PRR36: variants seen among roughly 807,000 people sequenced by gnomAD.
PRR36 encodes the protein proline rich 36.
A neutral mutation model predicts 58.6 loss-of-function variants in PRR36; 30 were observed. The ratio of observed to expected loss-of-function variants is 0.51; its 90% CI spans 0.38 to 0.69. PRR36 has a LOEUF of 0.69. Among genes scored for constraint, PRR36 ranks in the 30% least tolerant of loss-of-function variants. The probability of loss-of-function intolerance (pLI) is 0.00; values close to 1 mark genes in which losing one functional copy is unlikely to be tolerated. For synonymous variants in PRR36, 771 were observed against 829.3 expected, an observed-to-expected ratio of 0.93 and a Z score of 1.21; for missense variants, 1,692 against 1,805.6, an observed-to-expected ratio of 0.94 and a Z score of 1.14.
chr19:7,873,717 G>T lies in PRR36; in HGVS notation c.-7-21C>A, dbSNP rs1300851935. 7.8e-6 allele frequency: 12 copies of T among 1,529,544 alleles called. No individual in the cohort carries two copies. The highest frequency in any genetic ancestry group is 1.0e-5 in the Non-Finnish European group (12 of 1,143,480). The allele number at this position is 1,529,544 out of a possible 1,614,324, so 94.7% of individuals were successfully genotyped here. A position where few individuals can be genotyped will look rare whatever the true frequency, so the allele number is the denominator to read the frequency against. On this transcript the variant is annotated intron_variant, in intron 1 of 5. Coordinates refer to ENST00000618550, the MANE Select transcript of PRR36 (RefSeq NM_001190467.2). The surrounding 1 kb of genome is among the most constrained non-coding windows in gnomAD (Gnocchi z 5.0). Reference sequence around the variant, plus strand: ...TGCACCTGAAGAGACAAACCGGTCCGCATCCCAGGTTCTGGACAGCTACGC... The same window carrying T: ...TGCACCTGAAGAGACAAACCGGTCCTCATCCCAGGTTCTGGACAGCTACGC...
Position 7,870,750 on chromosome 19 carries a change from G to C in PRR36, c.2494C>G (p.Pro832Ala), listed in dbSNP as rs1314300527. ...GGGGGCGTGGCCAAAGGAGACAGAGGGGGAGAGGGCAGGCCCTGCAAAGGG... is the reference window on the plus strand; with the variant it reads ...GGGGGCGTGGCCAAAGGAGACAGAGCGGGAGAGGGCAGGCCCTGCAAAGGG... ...SPPLQGLPSP[P>A]LSPLATPPPQ... Residue 832 changes from proline to alanine, a missense_variant, in exon 5 of 6, where the codon CCT becomes GCT. Transcript: ENST00000618550. 6 of 1,400,500 alleles carry C rather than the reference G, an allele frequency of 4.3e-6. No homozygotes were observed. The highest frequency in any genetic ancestry group is 1.9e-4 in the Middle Eastern group (1 of 5,378). 86.8% of individuals were successfully genotyped at this position (1,400,500 alleles called of 1,614,324 possible). A position where few individuals can be genotyped will look rare whatever the true frequency, so the allele number is the denominator to read the frequency against.
At position 7,872,956 on chromosome 19, in the gene PRR36, C is replaced by A; in HGVS notation, c.380G>T (p.Gly127Val). Residue 127 changes from glycine (G) to valine (V), a missense_variant, in exon 4 of 6, where the codon GGC becomes GTC. By Grantham distance (109) the Gly-to-Val change is moderately radical. This residue lies in a region of PRR36 where 975 missense variants were observed against 955.2 expected (regional missense o/e 1.02). Transcript: ENST00000618550. This position sits in a 1 kb window ranked among gnomAD's most constrained non-coding sequence, Gnocchi z 6.1. Reference protein sequence around the residue: ...PGRASGTTRPGPLGQKGLRIS... With the variant: ...PGRASGTTRPVPLGQKGLRIS... ...CCGGAGTCCCTTCTGGCCAAGAGGG[C>A]CTGGCCTGGAGACAGAAGGGGCCAC... 1 of 1,535,754 alleles carries A rather than the reference C, an allele frequency of 6.5e-7. No homozygotes were observed. The highest frequency in any genetic ancestry group is 8.7e-7 in the Non-Finnish European group (1 of 1,146,640).
chr19:7,869,441 G>A lies in PRR36; in HGVS notation c.3633C>T (p.Gly1211=), dbSNP rs1302013501. 9 of 1,501,146 alleles carry A rather than the reference G, an allele frequency of 6.0e-6. No homozygotes were observed. Among genetic ancestry groups the A allele is most frequent in the Non-Finnish European group, 7.9e-6 (9 of 1,132,426 alleles). 93.0% of individuals were successfully genotyped at this position (1,501,146 alleles called of 1,614,324 possible). A position where few individuals can be genotyped will look rare whatever the true frequency, so the allele number is the denominator to read the frequency against. ...CGGGACTGGGCCCCGGATCCAGTGC[G>A]CCAGGGGCGGGGGTCGCCGACTCGG... ...EGPESATPAP[G]ALDPGPSPGT... Residue 1211 remains glycine (G), a synonymous_variant, in exon 6 of 6, where the codon GGC becomes GGT. Coordinates refer to ENST00000618550, the MANE Select transcript of PRR36 (RefSeq NM_001190467.2).
rs1475016334 is a variant in PRR36, at chr19:7,870,983, GT to G, written c.2260del (p.Thr754HisfsTer10). The G allele has an allele frequency of 1.0e-5, 11 of 1,068,110 alleles. No homozygotes were observed. In the East Asian group the frequency reaches 2.9e-4, roughly 28 times the overall value. 66.2% of individuals were successfully genotyped at this position (1,068,110 alleles called of 1,614,324 possible). A position where few individuals can be genotyped will look rare whatever the true frequency, so the allele number is the denominator to read the frequency against. On this transcript the variant is annotated frameshift_variant, in exon 5 of 6. Transcript: ENST00000618550. LOFTEE classifies it high-confidence loss of function. ...AGAAGGTAGGTTCTCCAGAGGGGGT[GT>G]GGTCAGGGGAGCAGAAGCTGTCTGC... ...PLQTASAPLT[T>X]PPLENLPSLA... is the part of the protein sequence containing the mutation.
In PRR36 at chr19:7,871,985, A is replaced by T. The variant is rs754259725; in HGVS notation, c.1259T>A (p.Val420Glu). The change falls in exon 5 of 6, where the codon GTG becomes GAG. Residue 420 changes from valine to glutamate, a missense_variant. Around this residue, in one of 5 missense-constraint regions of PRR36, gnomAD observed 975 missense variants for 955.2 expected, o/e 1.02. Transcript: ENST00000618550. ...GVSSLATAAFVASVSPSVSSP... is the reference protein window; with the variant it reads ...GVSSLATAAFEASVSPSVSSP... ...TGAAACTGATGGAGAGACTGAAGCC[A>T]CAAAAGCGGCTGTGGCCAGGGAAGA... The T allele has an allele frequency of 5.9e-6, 9 of 1,535,674 alleles. No homozygotes were observed. The Admixed American group carries it at 1.6e-4, about 27-fold the overall frequency.
chr19:7,868,897 A>G lies in PRR36; in HGVS notation c.*136T>C, dbSNP rs1193018663. 11 of 1,061,966 alleles carry G rather than the reference A, an allele frequency of 1.0e-5. No individual in the cohort carries two copies. The East Asian group carries it at 2.7e-4, about 26-fold the overall frequency. 65.8% of individuals were successfully genotyped at this position (1,061,966 alleles called of 1,614,324 possible). ...CCCGAGCCTCCGAGGCCAAAGGCTC[A>G]GGCTCTAGGGAGCTAAGACTAATCC... On this transcript the variant is annotated 3_prime_UTR_variant, in exon 6 of 6. Transcript: ENST00000618550.
Position 7,870,745 on chromosome 19 carries a change from CAGAG to C in PRR36, c.2495_2498del (p.Pro832ArgfsTer89). ...GTGGAGGGGGCGTGGCCAAAGGAGA[CAGAG>C]GGGGAGAGGGCAGGCCCTGCAAAGG... On this transcript the variant is annotated frameshift_variant, in exon 5 of 6. Transcript: ENST00000618550. LOFTEE classifies it high-confidence loss of function. 1 of 1,195,120 alleles carries C rather than the reference CAGAG, an allele frequency of 8.4e-7. No individual in the cohort carries two copies. The highest frequency in any genetic ancestry group is 3.3e-5 in the East Asian group (1 of 30,622). 74.0% of individuals were successfully genotyped at this position (1,195,120 alleles called of 1,614,324 possible). A position where few individuals can be genotyped will look rare whatever the true frequency, so the allele number is the denominator to read the frequency against.
chr19:7,873,732 G>A lies in PRR36; in HGVS notation c.-7-36C>T. 4.6e-6 allele frequency: 7 copies of A among 1,519,802 alleles called. No homozygotes were observed. The highest frequency in any genetic ancestry group is 6.2e-6 in the Non-Finnish European group (7 of 1,137,754). The allele number at this position is 1,519,802 out of a possible 1,614,324, so 94.1% of individuals were successfully genotyped here. A position where few individuals can be genotyped will look rare whatever the true frequency, so the allele number is the denominator to read the frequency against. Reference sequence around the variant, plus strand: ...AAACCGGTCCGCATCCCAGGTTCTGGACAGCTACGCCGCCTCCAGAGACCT... The same window carrying A: ...AAACCGGTCCGCATCCCAGGTTCTGAACAGCTACGCCGCCTCCAGAGACCT... On this transcript the variant is annotated intron_variant, in intron 1 of 5. Transcript: ENST00000618550. This position sits in a 1 kb window ranked among gnomAD's most constrained non-coding sequence, Gnocchi z 5.0.
rs1374944995 is a variant in PRR36, at chr19:7,872,435, G to A, written c.809C>T (p.Ser270Leu). 1 of 1,453,300 alleles carries A rather than the reference G, an allele frequency of 6.9e-7. No individual in the cohort carries two copies. The highest frequency in any genetic ancestry group is 2.7e-5 in the Admixed American group (1 of 37,190). The allele number at this position is 1,453,300 out of a possible 1,614,324, so 90.0% of individuals were successfully genotyped here. A position where few individuals can be genotyped will look rare whatever the true frequency, so the allele number is the denominator to read the frequency against. Residue 270 changes from serine to leucine, a missense_variant, in exon 5 of 6, where the codon TCG becomes TTG. By Grantham distance (145) the Ser-to-Leu change is moderately radical. Coordinates refer to ENST00000618550, the MANE Select transcript of PRR36 (RefSeq NM_001190467.2). This position sits in a 1 kb window ranked among gnomAD's most constrained non-coding sequence, Gnocchi z 6.1. ...CTGCAGTCCTTTCGGCTTGGGCTGCGAGGGATGCGCAGGAGCCCTGGGTGT... is the reference window on the plus strand; with the variant it reads ...CTGCAGTCCTTTCGGCTTGGGCTGCAAGGGATGCGCAGGAGCCCTGGGTGT... ...RGTPRAPAHP[S>L]QPKPKGLQAL...
In PRR36 at chr19:7,873,053, TCTGA is replaced by T; in HGVS notation, c.375-96_375-93del. ...ATCTGTGAAATGGGCATGTGCCCTC[TCTGA>T]GGACCAATAATGGCTTTCACCCAAT... On this transcript the variant is annotated intron_variant, in intron 3 of 5. Transcript: ENST00000618550. The surrounding 1 kb of genome is among the most constrained non-coding windows in gnomAD (Gnocchi z 5.0). 1 of 1,339,378 alleles carries T rather than the reference TCTGA, an allele frequency of 7.5e-7. No individual in the cohort carries two copies. The highest frequency in any genetic ancestry group is 1.0e-6 in the Non-Finnish European group (1 of 974,140). 83.0% of individuals were successfully genotyped at this position (1,339,378 alleles called of 1,614,324 possible). A position where few individuals can be genotyped will look rare whatever the true frequency, so the allele number is the denominator to read the frequency against.
At position 7,873,354 on chromosome 19, in the gene PRR36, G is replaced by A. The variant is rs2145072977; in HGVS notation, c.272-55C>T. The stretch of plus-strand genomic sequence containing the variant: ...CCCGGAGAGGTGGCAGTGGAGGTGA[G>A]ACTGGACAGGTATTGGAAGGGGGAG... On this transcript the variant is annotated intron_variant, in intron 2 of 5. Transcript: ENST00000618550. This position sits in a 1 kb window ranked among gnomAD's most constrained non-coding sequence, Gnocchi z 5.0. The A allele has an allele frequency of 6.6e-7, 1 of 1,519,634 alleles. No individual in the cohort carries two copies. The allele number at this position is 1,519,634 out of a possible 1,614,324, so 94.1% of individuals were successfully genotyped here.
chr19:7,870,851 A>G lies in PRR36; in HGVS notation c.2393T>C (p.Leu798Ser). 6.9e-7 allele frequency: 1 copy of G among 1,447,480 alleles called. No individual in the cohort carries two copies. The highest frequency in any genetic ancestry group is 9.0e-7 in the Non-Finnish European group (1 of 1,107,556). 89.7% of individuals were successfully genotyped at this position (1,447,480 alleles called of 1,614,324 possible). A position where few individuals can be genotyped will look rare whatever the true frequency, so the allele number is the denominator to read the frequency against. The change falls in exon 5 of 6, where the codon TTG (leucine) becomes TCG (serine). Residue 798 changes from leucine to serine, a missense_variant. Around this residue, in one of 5 missense-constraint regions of PRR36, gnomAD observed 171 missense variants for 146.2 expected, o/e 1.17. Transcript: ENST00000618550. ...GGGCGTCTCCGGAGGGGGCGTGGTC[A>G]ATGGCGAAGGTGGTGCTTGCAGAGG... ...PCPLQAPPSP[L>S]TTPPPETPSS...
rs1009104442 is a variant in PRR36, at chr19:7,869,193, C to T, written c.3881G>A (p.Arg1294Gln). The T allele has an allele frequency of 1.0e-5, 16 of 1,532,732 alleles. No homozygotes were observed. The highest frequency in any genetic ancestry group is 1.4e-5 in the African/African-American group (1 of 72,540). The allele number at this position is 1,532,732 out of a possible 1,614,324, so 94.9% of individuals were successfully genotyped here. Residue 1294 changes from arginine to glutamine, a missense_variant, in exon 6 of 6, where the codon CGG (arginine) becomes CAG (glutamine). Physicochemically the swap from Arg to Gln is conservative, Grantham distance 43. Coordinates refer to ENST00000618550, the MANE Select transcript of PRR36 (RefSeq NM_001190467.2). Reference sequence around the variant, plus strand: ...GAGTTCGGCGTCGCTGAGTGCAGCCCGGGCGCCCCCTGTGACGCCACCACC... The same window carrying T: ...GAGTTCGGCGTCGCTGAGTGCAGCCTGGGCGCCCCCTGTGACGCCACCACC... ...AEGGGVTGGA[R>Q]AALSDAELGR...
At position 7,872,909 on chromosome 19, in the gene PRR36, C is replaced by A. The variant is rs1412336631; in HGVS notation, c.427G>T (p.Ala143Ser). 5.3e-5 allele frequency: 81 copies of A among 1,535,974 alleles called. No individual in the cohort carries two copies. Among genetic ancestry groups the A allele is most frequent in the Non-Finnish European group, 1.1e-5 (13 of 1,146,882 alleles). ...GGAGCCTCTGTAGCTTTTCCTCTGGCCACAGTTTCCTCCGCTGAGATCCGG... is the reference window on the plus strand; with the variant it reads ...GGAGCCTCTGTAGCTTTTCCTCTGGACACAGTTTCCTCCGCTGAGATCCGG... ...GLRISAEETVARGKATEAPKR... is the reference protein window; with the variant it reads ...GLRISAEETVSRGKATEAPKR... Residue 143 changes from alanine (A) to serine (S), a missense_variant, in exon 4 of 6, where the codon GCC (alanine) becomes TCC (serine). Ala to Ser is a moderately conservative substitution (Grantham distance 99, BLOSUM62 1). This residue lies in a region of PRR36 where 975 missense variants were observed against 955.2 expected (regional missense o/e 1.02). Transcript: ENST00000618550. The surrounding 1 kb of genome is among the most constrained non-coding windows in gnomAD (Gnocchi z 6.1).
rs1363494526 is a variant in PRR36 at position 7,871,193 on chromosome 19, G to A, written c.2051C>T (p.Thr684Ile). ...PAVSPLSSPL[T>I]IHPLQALSSL... Reference sequence around the variant, plus strand: ...AGATAGCGCCTGCAGAGGGTGTATGGTCAGGGGTGAGCTTAGGGGTGAGAC... The same window carrying A: ...AGATAGCGCCTGCAGAGGGTGTATGATCAGGGGTGAGCTTAGGGGTGAGAC... The change falls in exon 5 of 6, where the codon ACC (threonine) becomes ATC (isoleucine). Residue 684 changes from threonine to isoleucine, a missense_variant. By Grantham distance (89) the Thr-to-Ile change is moderately conservative. Transcript: ENST00000618550. 4 of 1,534,712 alleles carry A rather than the reference G, an allele frequency of 2.6e-6. No homozygotes were observed. The highest frequency in any genetic ancestry group is 3.9e-5 in the Admixed American group (2 of 50,854).
rs980423776 is a variant in PRR36 at position 7,874,369 on chromosome 19, G to A, written c.-91C>T. The A allele has an allele frequency of 2.7e-5, 4 of 150,908 alleles. No individual in the cohort carries two copies. The highest frequency in any genetic ancestry group is 4.4e-5 in the Non-Finnish European group (3 of 67,488). The allele number at this position is 150,908 out of a possible 1,614,324, so 9.3% of individuals were successfully genotyped here. ...GAGCGACGCGGTGGCCGCCAGCGGCGAGGAGGCGAGGGGAGGGGGCTGCGG... is the reference window on the plus strand; with the variant it reads ...GAGCGACGCGGTGGCCGCCAGCGGCAAGGAGGCGAGGGGAGGGGGCTGCGG... On this transcript the variant is annotated 5_prime_UTR_variant, in exon 1 of 6. Coordinates refer to ENST00000618550, the MANE Select transcript of PRR36 (RefSeq NM_001190467.2). This position sits in a 1 kb window ranked among gnomAD's most constrained non-coding sequence, Gnocchi z 6.0.
rs1599588183 is a variant in PRR36, at chr19:7,870,349, G to A, written c.2895C>T (p.Ala965=). 6.2e-6 allele frequency: 6 copies of A among 966,552 alleles called. No individual in the cohort carries two copies. The highest frequency in any genetic ancestry group is 7.7e-6 in the Non-Finnish European group (6 of 782,812). 59.9% of individuals were successfully genotyped at this position (966,552 alleles called of 1,614,324 possible). ...TGGCCGAAGGAGACATTGGGGGAGA[G>A]GCAGGGGGAGAGGGTGGGACCTGCA... is the stretch of plus-strand genomic sequence containing the variant. ...PPLQVPPSPP[A]SPPMSPSATP... Residue 965 remains alanine (A), a synonymous_variant, in exon 5 of 6, where the codon GCC becomes GCT. Transcript: ENST00000618550.
Position 7,872,428 on chromosome 19 carries a change from G to C in PRR36, c.816C>G (p.Pro272=). 3.4e-6 allele frequency: 5 copies of C among 1,452,130 alleles called. No individual in the cohort carries two copies. The South Asian group carries it at 5.7e-5, about 17-fold the overall frequency. 90.0% of individuals were successfully genotyped at this position (1,452,130 alleles called of 1,614,324 possible). A position where few individuals can be genotyped will look rare whatever the true frequency, so the allele number is the denominator to read the frequency against. Residue 272 remains proline, a synonymous_variant, in exon 5 of 6, where the codon CCC becomes CCG. Coordinates refer to ENST00000618550, the MANE Select transcript of PRR36 (RefSeq NM_001190467.2). This position sits in a 1 kb window ranked among gnomAD's most constrained non-coding sequence, Gnocchi z 6.1. ...GCAGAGCCTGCAGTCCTTTCGGCTT[G>C]GGCTGCGAGGGATGCGCAGGAGCCC... The part of the protein sequence containing the change: ...TPRAPAHPSQ[P]KPKGLQALRP...
In PRR36 at chr19:7,872,923, G is replaced by A. The variant is rs373859750; in HGVS notation, c.413C>T (p.Ala138Val). The A allele has an allele frequency of 3.2e-5, 49 of 1,536,036 alleles. 1 individual carries two copies. The African/African-American group carries it at 4.9e-4, about 15-fold the overall frequency. The change falls in exon 4 of 6, where the codon GCG becomes GTG. Residue 138 changes from alanine (A) to valine (V), a missense_variant. This residue lies in a region of PRR36 where 975 missense variants were observed against 955.2 expected (regional missense o/e 1.02). Transcript: ENST00000618550. This position sits in a 1 kb window ranked among gnomAD's most constrained non-coding sequence, Gnocchi z 6.1. Reference sequence around the variant, plus strand: ...TTTTCCTCTGGCCACAGTTTCCTCCGCTGAGATCCGGAGTCCCTTCTGGCC... The same window carrying A: ...TTTTCCTCTGGCCACAGTTTCCTCCACTGAGATCCGGAGTCCCTTCTGGCC... ...PLGQKGLRIS[A>V]EETVARGKAT...
Sources: gnomAD v4.1 joint callset for allele counts on GRCh38, gnomAD v4.1.1 for gene constraint, gnomAD v4.1.1 regional missense constraint, Gnocchi (gnomAD v3.1) non-coding constraint, MANE v1.5 for transcripts, NCBI Gene and HGNC (gene_info 2026-07-23, HGNC 2026-07-21) for gene names.